Variants in SLC24A3 observed in about 807,000 individuals in gnomAD.
SLC24A3 encodes the protein sodium/potassium/calcium exchanger 3.
SLC24A3 carries 28 observed loss-of-function variants against 75.8 expected under a neutral mutation model. The observed-to-expected ratio is 0.37, with a 90% confidence interval of 0.27 to 0.51. The LOEUF is 0.51. SLC24A3 is among the 20% of genes least tolerant of loss of function. The probability of loss-of-function intolerance (pLI) is 0.94; values close to 1 mark genes in which losing one functional copy is unlikely to be tolerated. For missense variants in SLC24A3, 663 were observed against 847.8 expected (o/e 0.78, Z 2.71); for synonymous variants, 372 against 334.1 (o/e 1.11, Z -1.24).
chr20:19,557,977 A>C (rs935791963), intron 3 of SLC24A3, among the ~76,000 whole-genome samples: 3 of 152,206 alleles, frequency 2.0e-5, no homozygotes, highest in African/African-American at 4.8e-5. Flanking sequence ...ATGTGTGTAC[A>C]TGCATGGGTA....
rs529630449 is a variant in SLC24A3 at position 19,485,822 on chromosome 20, G to GC, written c.272-29660dup. Among the ~76,000 whole-genome samples the GC allele has an allele frequency of 1.8e-4, 27 of 152,204 alleles. No homozygotes were observed. In the South Asian group the frequency reaches 4.6e-3, roughly 26 times the overall value. On this transcript the variant is annotated intron_variant, in intron 2 of 16. Coordinates refer to ENST00000328041, the MANE Select transcript of SLC24A3 (RefSeq NM_020689.4). ...GCTAGAATCTCAACAGAAACAAAGT[G>GC]CCCCCCATGGGAGAAAGAGATCCCC...
chr20:19,449,450 A>C (rs1987444325), intron 2 of SLC24A3, among the ~76,000 whole-genome samples: 1 of 152,208 alleles, frequency 6.6e-6, no homozygotes, highest in South Asian at 2.1e-4. Flanking sequence ...GATCAACCTG[A>C]CAGAGTCCTA....
intron 2 of SLC24A3, among the ~76,000 whole-genome samples, chr20:19,450,637 G>T (rs929329182): frequency 3.3e-5 from 5 of 152,168 alleles, no homozygotes; most frequent in African/African-American, 1.2e-4. Flanking sequence ...CTTAAAAGGT[G>T]CCCCCTTATG....
At chr20:19,673,205 C>T (rs557495486) in intron 8 of SLC24A3, among the ~76,000 whole-genome samples, 1 of 152,290 alleles carries the variant, frequency 6.6e-6, no homozygotes, top group Admixed American at 6.5e-5. Flanking sequence ...ACAGCAATCC[C>T]TCAGGCATCC....
At chr20:19,334,224 T>G (rs1328783356) in intron 2 of SLC24A3, among the ~76,000 whole-genome samples, 1 of 152,204 alleles carries the variant, frequency 6.6e-6, no homozygotes, top group South Asian at 2.1e-4. Flanking sequence ...GGAATAGCTT[T>G]CAGAGCCTGG....
rs141665754 is a variant in SLC24A3, at chr20:19,293,611, G to T, written c.271+12524G>T. ...ATGGAGGTTGCAGTGAGCCGAGATG[G>T]CACCACTGCACTCCAACCTGGGCAA... On this transcript the variant is annotated intron_variant, in intron 2 of 16. Transcript: ENST00000328041. Among the ~76,000 whole-genome samples the T allele has an allele frequency of 3.1e-3, 450 of 144,916 alleles. 1 individual carries two copies. Among genetic ancestry groups the T allele is most frequent in the Non-Finnish European group, 5.4e-3 (363 of 67,300 alleles).
chr20:19,608,282 T>C (rs967643166), intron 6 of SLC24A3, among the ~76,000 whole-genome samples: 2 of 152,228 alleles, frequency 1.3e-5, no homozygotes, highest in Admixed American at 6.5e-5. Context: ...GATGATGATA[T>C]GGAGTAAGAG....
intron 2 of SLC24A3, among the ~76,000 whole-genome samples, chr20:19,413,640 T>A (rs950290476): frequency 6.6e-6 from 1 of 152,192 alleles, no homozygotes. Context: ...TGCAGCAGAC[T>A]GATGATTACA....
At chr20:19,488,971 G>A (rs1988167987) in intron 2 of SLC24A3, among the ~76,000 whole-genome samples, 1 of 152,124 alleles carries the variant, frequency 6.6e-6, no homozygotes, top group Non-Finnish European at 1.5e-5. Context: ...TTTCGGATTA[G>A]GGATGTTCAA....
chr20:19,401,999 G>T (rs1455291878), intron 2 of SLC24A3, among the ~76,000 whole-genome samples: 1 of 152,146 alleles, frequency 6.6e-6, no homozygotes, highest in Non-Finnish European at 1.5e-5. Flanking sequence ...CAAAATCATT[G>T]CTTGCCCTTA....
intron 1 of SLC24A3, among the ~76,000 whole-genome samples, chr20:19,216,645 A>G (rs1030893799): frequency 2.6e-5 from 4 of 151,868 alleles, no homozygotes; most frequent in Non-Finnish European, 1.5e-5. Context: ...AAAAAATTAC[A>G]CACACATGCA....
intron 2 of SLC24A3, among the ~76,000 whole-genome samples, chr20:19,424,749 A>C (rs1363092279): frequency 0.012 from 1,731 of 147,976 alleles, 49 homozygotes; most frequent in African/African-American, 0.041. Flanking sequence ...CAACAACAAA[A>C]AAAAAAAAAA....
chr20:19,643,917 C>T (rs1214774825), intron 6 of SLC24A3, among the ~76,000 whole-genome samples: 1 of 152,192 alleles, frequency 6.6e-6, no homozygotes, highest in Non-Finnish European at 1.5e-5. Context: ...GCTCTAGCTA[C>T]TAATGTGACA....
chr20:19,329,500 GC>G (rs896464561), intron 2 of SLC24A3, among the ~76,000 whole-genome samples: 1 of 152,134 alleles, frequency 6.6e-6, no homozygotes, highest in African/African-American at 2.4e-5. Context: ...TATTCCTTGG[GC>G]ACTTATAAAT....
chr20:19,389,479 G>T (rs976111698), intron 2 of SLC24A3, among the ~76,000 whole-genome samples: 1 of 151,600 alleles, frequency 6.6e-6, no homozygotes. Context: ...GGACAGTCTT[G>T]CAGGTTATAA....
At chr20:19,402,403 A>G (rs1986567612) in intron 2 of SLC24A3, among the ~76,000 whole-genome samples, 1 of 152,222 alleles carries the variant, frequency 6.6e-6, no homozygotes, top group South Asian at 2.1e-4. Context: ...TTCAGAAACA[A>G]ACAAACCAGG....
At chr20:19,247,943 T>C (rs531308548) in intron 1 of SLC24A3, among the ~76,000 whole-genome samples, 3 of 152,316 alleles carry the variant, frequency 2.0e-5, no homozygotes, top group East Asian at 1.9e-4. Flanking sequence ...TTTCCTCCTT[T>C]GTAAATAAGT....
At chr20:19,583,115 T>C (rs1355754370) in intron 4 of SLC24A3, among the ~76,000 whole-genome samples, 1 of 152,150 alleles carries the variant, frequency 6.6e-6, no homozygotes, top group Non-Finnish European at 1.5e-5. Context: ...CCAGGGCTCC[T>C]AGCTGCAGAG....
At chr20:19,700,771 G>T (rs2032862113) in intron 15 of SLC24A3, among the ~76,000 whole-genome samples, 1 of 152,138 alleles carries the variant, frequency 6.6e-6, no homozygotes, top group Admixed American at 6.6e-5. Flanking sequence ...TCTTCAAGGT[G>T]ACCTATTATT....
Sources: allele counts gnomAD v4.1 joint callset (sites outside exome capture counted in the v4.1 genomes callset), GRCh38; gene constraint gnomAD v4.1.1; transcripts MANE v1.5; gene names NCBI Gene and HGNC (gene_info 2026-07-23, HGNC 2026-07-21).